Variants in CNIH2 observed in about 807,000 individuals in gnomAD.
CNIH2 encodes the protein protein cornichon homolog 2.
CNIH2 carries 8 observed loss-of-function variants against 22.9 expected under a neutral mutation model. The ratio of observed to expected loss-of-function variants is 0.35; its 90% CI spans 0.20 to 0.63. The LOEUF is 0.63. Ranked by LOEUF, CNIH2 falls within the 30% of genes least tolerant of loss-of-function variation. CNIH2 has a pLI of 0.72. For missense variants in CNIH2, 105 were observed against 206.2 expected (o/e 0.51, Z 3.01); for synonymous variants, 74 against 78.2 (o/e 0.95, Z 0.28).
At chr11:66,283,204 G>A (rs1857290147) in intron 4 of CNIH2, 44 bp from the exon 5 acceptor site, 1 of 1,613,702 alleles carries the variant, frequency 6.2e-7, no homozygotes, top group Non-Finnish European at 8.5e-7. Flanking sequence ...CAGGATGGGG[G>A]TGGGAGTCCT....
intron 4 of CNIH2, 22 bp downstream of exon 4, chr11:66,283,169 G>C (rs993497696): frequency 1.2e-6 from 2 of 1,613,714 alleles, no homozygotes. Context: ...AGCTGCCTTG[G>C]GGAGGCTGAG....
Position 66,283,234 on chromosome 11 carries a change from C to T in CNIH2, c.312-14C>T, listed in dbSNP as rs1555006281. The T allele has an allele frequency of 1.9e-6, 3 of 1,613,880 alleles. No individual in the cohort carries two copies. The highest frequency in any genetic ancestry group is 4.5e-5 in the East Asian group (2 of 44,874). On this transcript the variant is annotated splice_polypyrimidine_tract_variant and intron_variant, in intron 4 of 5. Coordinates refer to ENST00000311445, the MANE Select transcript of CNIH2 (RefSeq NM_182553.3). The stretch of plus-strand genomic sequence containing the variant: ...AGTCCTGATGGCAGACACTCAGGCC[C>T]CTGTCTGCCCCAGGTACTTCCACCG...
rs1178894361 is a variant in CNIH2 at position 66,282,740 on chromosome 11, G to A, written c.158G>A (p.Arg53His). ...DQGNPARARE[R>H]LKNIERICCL... ...TTTTCCTTCCCCCAACAGCGCGAGC[G>A]TTTAAAAAACATCGAACGCATCTGC... The change falls in exon 3 of 6, where the codon CGT becomes CAT. Residue 53 changes from arginine (R) to histidine (H), a missense_variant. Physicochemically the swap from Arg to His is conservative, Grantham distance 29. Coordinates refer to ENST00000311445, the MANE Select transcript of CNIH2 (RefSeq NM_182553.3). The A allele has an allele frequency of 6.2e-7, 1 of 1,613,682 alleles. No individual in the cohort carries two copies.
chr11:66,281,559 A>G, intron 1 of CNIH2: 1 of 438,210 alleles, frequency 2.3e-6, no homozygotes, highest in Non-Finnish European at 4.7e-6. Context: ...CCTCCCCCCA[A>G]AATTTTTGTG....
chr11:66,283,732 A>C lies in CNIH2; in HGVS notation c.*135A>C. On this transcript the variant is annotated 3_prime_UTR_variant, in exon 6 of 6. Transcript: ENST00000311445. Reference sequence around the variant, plus strand: ...TGCCCCCAGCCTCTCCAACCCCCAAACTGCTGCTGCGGGGAACCCCCCCCA... The same window carrying C: ...TGCCCCCAGCCTCTCCAACCCCCAACCTGCTGCTGCGGGGAACCCCCCCCA... 8.2e-5 allele frequency: 75 copies of C among 913,076 alleles called. No homozygotes were observed. The highest frequency in any genetic ancestry group is 3.5e-4 in the Middle Eastern group (1 of 2,862). 56.6% of individuals were successfully genotyped at this position (913,076 alleles called of 1,614,324 possible). A position where few individuals can be genotyped will look rare whatever the true frequency, so the allele number is the denominator to read the frequency against.
chr11:66,282,853 C>G, intron 3 of CNIH2, 73 bp downstream of exon 3: 1 of 1,529,888 alleles, frequency 6.5e-7, no homozygotes, highest in South Asian at 1.2e-5. Context: ...CAGAACCAGG[C>G]CTTCCCCTGC....
In CNIH2 at chr11:66,281,309, C is replaced by T. The variant is rs560651277; in HGVS notation, c.82-950C>T. The T allele has an allele frequency of 4.7e-4, 213 of 450,448 alleles. 1 individual carries two copies. The highest frequency in any genetic ancestry group is 6.7e-4 in the South Asian group (43 of 63,710). The allele number at this position is 450,448 out of a possible 1,614,324, so 27.9% of individuals were successfully genotyped here. Reference sequence around the variant, plus strand: ...CAGCCGTGTGGCCCTGGACAAGTCACTTAACCTGCCTCAGCTTCCTCATCT... The same window carrying T: ...CAGCCGTGTGGCCCTGGACAAGTCATTTAACCTGCCTCAGCTTCCTCATCT... On this transcript the variant is annotated intron_variant, in intron 1 of 5. Transcript: ENST00000311445.
rs912749241 is a variant in CNIH2 at position 66,278,513 on chromosome 11, C to T, written c.57C>T (p.Ser19=). ...CYMLTLVLCA[S]LIFFVIWHII... is the part of the protein sequence containing the mutation. ...TGCTCACCCTGGTGCTGTGCGCCTC[C>T]CTCATCTTCTTTGTCATCTGGCACG... The change falls in exon 1 of 6, where the codon TCC becomes TCT. Residue 19 remains serine, a synonymous_variant. Coordinates refer to ENST00000311445, the MANE Select transcript of CNIH2 (RefSeq NM_182553.3). 5.1e-6 allele frequency: 8 copies of T among 1,554,500 alleles called. No individual in the cohort carries two copies. Among genetic ancestry groups the T allele is most frequent in the African/African-American group, 1.4e-5 (1 of 72,168 alleles).
At chr11:66,279,310 G>T (rs553013152) in intron 1 of CNIH2, among the ~76,000 whole-genome samples, 14 of 151,988 alleles carry the variant, frequency 9.2e-5, no homozygotes, top group African/African-American at 3.1e-4. Context: ...GCTTCCCCCA[G>T]GCTCCCTCCT....
chr11:66,283,085 G>C lies in CNIH2; in HGVS notation c.249G>C (p.Leu83=). ...ACGGCCTCTTCTGTCTGATGTTTCT[G>C]TGTGCAGCAGAGTGGGTGACCCTGG... ...SIHGLFCLMF[L]CAAEWVTLGL... The change falls in exon 4 of 6, where the codon CTG becomes CTC. Residue 83 remains leucine (L), a synonymous_variant. Coordinates refer to ENST00000311445, the MANE Select transcript of CNIH2 (RefSeq NM_182553.3). 6.2e-7 allele frequency: 1 copy of C among 1,614,024 alleles called. No individual in the cohort carries two copies. The highest frequency in any genetic ancestry group is 8.5e-7 in the Non-Finnish European group (1 of 1,179,992).
chr11:66,278,615 G>T, intron 1 of CNIH2, 78 bp downstream of exon 1: 1 of 1,159,292 alleles, frequency 8.6e-7, no homozygotes, highest in Non-Finnish European at 1.1e-6. Context: ...CCCAGGGCGG[G>T]TGGTCTCAGA....
At chr11:66,282,925 CCA>C (rs890989116) in intron 3 of CNIH2, 108 bp from the exon 4 acceptor site, 4 of 1,355,648 alleles carry the variant, frequency 3.0e-6, no homozygotes, top group Non-Finnish European at 3.1e-6. Context: ...CTTTTAATCC[CCA>C]GAGGTCACGG....
At position 66,283,062 on chromosome 11, in the gene CNIH2, G is replaced by T; in HGVS notation, c.226G>T (p.Gly76Cys). 2 of 1,613,954 alleles carry T rather than the reference G, an allele frequency of 1.2e-6. No individual in the cohort carries two copies. The highest frequency in any genetic ancestry group is 1.7e-6 in the Non-Finnish European group (2 of 1,179,950). ...GGTGGTCCCAGAATACTCCATCCAC[G>T]GCCTCTTCTGTCTGATGTTTCTGTG... ...KLVVPEYSIH[G>C]LFCLMFLCAA... Residue 76 changes from glycine (G) to cysteine (C), a missense_variant, in exon 4 of 6, where the codon GGC becomes TGC. Physicochemically the swap from Gly to Cys is radical, Grantham distance 159 (BLOSUM62 -3). Transcript: ENST00000311445.
Position 66,283,816 on chromosome 11 carries a change from G to A in CNIH2, c.*219G>A. 1.8e-6 allele frequency: 1 copy of A among 564,732 alleles called. No homozygotes were observed. Among genetic ancestry groups the A allele is most frequent in the East Asian group, 2.9e-5 (1 of 34,140 alleles). The allele number at this position is 564,732 out of a possible 1,614,324, so 35.0% of individuals were successfully genotyped here. ...GCGGCTGGGCAGAGCTCTAAACAGG[G>A]GCAGGGGCTCCTCTGCCAGCCTGTG... On this transcript the variant is annotated 3_prime_UTR_variant, in exon 6 of 6. Coordinates refer to ENST00000311445, the MANE Select transcript of CNIH2 (RefSeq NM_182553.3).
chr11:66,281,309 C>CTT (rs1857255503), intron 1 of CNIH2: 1 of 450,328 alleles, frequency 2.2e-6, no homozygotes, highest in African/African-American at 2.0e-5. Context: ...GGACAAGTCA[C>CTT]TTAACCTGCC....
chr11:66,281,536 G>T, intron 1 of CNIH2: 7 of 451,960 alleles, frequency 1.5e-5, no homozygotes, highest in South Asian at 1.1e-4. Context: ...CTGCTGCTGT[G>T]TACTCTTCAA....
At position 66,283,672 on chromosome 11, in the gene CNIH2, A is replaced by T; in HGVS notation, c.*75A>T. On this transcript the variant is annotated 3_prime_UTR_variant, in exon 6 of 6. Coordinates refer to ENST00000311445, the MANE Select transcript of CNIH2 (RefSeq NM_182553.3). ...ACCCCCAGCCCTGCCCCTTGGCCGCAGAGGCCTCAGCCCTGGGGAGGGAGG... is the reference window on the plus strand; with the variant it reads ...ACCCCCAGCCCTGCCCCTTGGCCGCTGAGGCCTCAGCCCTGGGGAGGGAGG... The T allele has an allele frequency of 6.6e-7, 1 of 1,509,968 alleles. No homozygotes were observed. Among genetic ancestry groups the T allele is most frequent in the Non-Finnish European group, 9.0e-7 (1 of 1,113,106 alleles). The allele number at this position is 1,509,968 out of a possible 1,614,324, so 93.5% of individuals were successfully genotyped here. A position where few individuals can be genotyped will look rare whatever the true frequency, so the allele number is the denominator to read the frequency against.
chr11:66,283,504 G>C (rs1406484919), intron 5 of CNIH2, 66 bp from the exon 6 acceptor site: 2 of 1,607,774 alleles, frequency 1.2e-6, no homozygotes, highest in African/African-American at 2.7e-5. Context: ...CCCAGGGTGT[G>C]ACCAGGTGGG....
At chr11:66,278,924 C>T (rs559851101) in intron 1 of CNIH2, among the ~76,000 whole-genome samples, 2 of 107,016 alleles carry the variant, frequency 1.9e-5, no homozygotes, top group African/African-American at 6.9e-5. Context: ...TGCCCCCCCC[C>T]CCCCGCCTTT....
Sources: gnomAD v4.1 joint callset for allele counts (sites outside exome capture counted in the v4.1 genomes callset) on GRCh38, gnomAD v4.1.1 for gene constraint, MANE v1.5 for transcripts, NCBI Gene and HGNC (gene_info 2026-07-23, HGNC 2026-07-21) for gene names.